The following SMARCC1 variants were observed in gnomAD, a reference collection of about 807,000 sequenced individuals.
The protein encoded by SMARCC1 is SWI/SNF related BAF chromatin remodeling complex subunit C1, also known as SWI/SNF complex subunit SMARCC1.
A neutral mutation model predicts 147.4 loss-of-function variants in SMARCC1; 43 were observed. The ratio of observed to expected loss-of-function variants is 0.29; its 90% CI spans 0.23 to 0.38. SMARCC1 has a LOEUF of 0.38. SMARCC1 is among the 10% of genes least tolerant of loss of function. SMARCC1 has a pLI of 1.00. For missense variants in SMARCC1, 1,119 were observed against 1,381.1 expected, an observed-to-expected ratio of 0.81 and a Z score of 3.01; for synonymous variants, 495 against 484.4, an observed-to-expected ratio of 1.02 and a Z score of -0.29.
At chr3:47,633,526 C>T (rs1291782125) in intron 24 of SMARCC1, among the ~76,000 whole-genome samples, 3 of 151,400 alleles carry the variant, frequency 2.0e-5, no homozygotes, top group Non-Finnish European at 4.4e-5. Context: ...GGTGAATCAC[C>T]TGAGGTCAGG....
Position 47,731,698 on chromosome 3 carries a change from G to A in SMARCC1, c.577-2604C>T, listed in dbSNP as rs192777558. Among the ~76,000 whole-genome samples, 22 of 152,342 alleles carry A rather than the reference G, an allele frequency of 1.4e-4. No homozygotes were observed. The East Asian group carries it at 3.9e-3, about 27-fold the overall frequency. On this transcript the variant is annotated intron_variant, in intron 5 of 27. Coordinates refer to ENST00000254480, the MANE Select transcript of SMARCC1 (RefSeq NM_003074.4). ...TGTACATCTGCAACAGAGTGACTAG[G>A]TGACTGTCAATGAGCAGTAATATTT...
rs1559641317 is a variant in SMARCC1, at chr3:47,673,404, G to GGGT, written c.1839+2070_1839+2071insACC. Among the ~76,000 whole-genome samples the GGGT allele has an allele frequency of 1.0e-3, 132 of 132,348 alleles. 16 individuals carry two copies. The highest frequency in any genetic ancestry group is 3.3e-3 in the African/African-American group (126 of 38,148). The allele number at this position is 132,348 out of a possible 152,430, so 86.8% of individuals were successfully genotyped here. ...CTGTCTCAAAAAAAAAAGGGTGGGG[G>GGGT]GGGGGCAGGCCAGTGGCTCAGGCCT... On this transcript the variant is annotated intron_variant, in intron 18 of 27. Coordinates refer to ENST00000254480, the MANE Select transcript of SMARCC1 (RefSeq NM_003074.4).
intron 18 of SMARCC1, among the ~76,000 whole-genome samples, chr3:47,674,984 C>T (rs2033551222): frequency 6.6e-6 from 1 of 152,158 alleles, no homozygotes; most frequent in Non-Finnish European, 1.5e-5. Context: ...ATCCTCCTGC[C>T]TTGGCCTCCC....
chr3:47,637,376 G>A (rs1024413303), intron 22 of SMARCC1, among the ~76,000 whole-genome samples: 1 of 151,966 alleles, frequency 6.6e-6, no homozygotes, highest in African/African-American at 2.4e-5. Context: ...CACTCAAATA[G>A]TGACTGACTG....
chr3:47,735,607 G>A (rs1278575956), intron 5 of SMARCC1, among the ~76,000 whole-genome samples: 1 of 151,998 alleles, frequency 6.6e-6, no homozygotes, highest in Admixed American at 6.6e-5. Context: ...CCACCTCTAC[G>A]AAAAATACAA....
chr3:47,719,164 T>C (rs936116233), intron 7 of SMARCC1, among the ~76,000 whole-genome samples: 2 of 152,080 alleles, frequency 1.3e-5, no homozygotes, highest in Non-Finnish European at 1.5e-5. Context: ...TCCGCCCGCC[T>C]TGGCCTCCCA....
At chr3:47,592,531 G>A (rs909049094) in intron 26 of SMARCC1, among the ~76,000 whole-genome samples, 2 of 152,182 alleles carry the variant, frequency 1.3e-5, no homozygotes, top group Non-Finnish European at 2.9e-5. Context: ...GGCTGTAGGC[G>A]ATCCCTGCTT....
intron 18 of SMARCC1, among the ~76,000 whole-genome samples, chr3:47,674,209 A>G (rs2106753376): frequency 6.6e-6 from 1 of 152,312 alleles, no homozygotes; most frequent in Middle Eastern, 3.4e-3. Flanking sequence ...GTATTACTTT[A>G]TATTTAACCA....
chr3:47,638,195 C>T (rs1211918125), intron 22 of SMARCC1, among the ~76,000 whole-genome samples: 4 of 152,138 alleles, frequency 2.6e-5, no homozygotes, highest in African/African-American at 9.7e-5. Context: ...CGGGTTCACG[C>T]CATTCTCCTG....
chr3:47,728,031 A>G (rs942245511), intron 6 of SMARCC1, among the ~76,000 whole-genome samples: 1 of 149,932 alleles, frequency 6.7e-6, no homozygotes, highest in Non-Finnish European at 1.5e-5. Flanking sequence ...AGGAGCTGGA[A>G]TACAGGCACG....
At chr3:47,679,970 T>C (rs2033622570) in intron 15 of SMARCC1, among the ~76,000 whole-genome samples, 1 of 151,926 alleles carries the variant, frequency 6.6e-6, no homozygotes, top group African/African-American at 2.4e-5. Flanking sequence ...TAAGAGTTGA[T>C]GTGCATATAG....
At chr3:47,711,611 T>A (rs1477936242) in intron 8 of SMARCC1, among the ~76,000 whole-genome samples, 1 of 152,184 alleles carries the variant, frequency 6.6e-6, no homozygotes, top group Non-Finnish European at 1.5e-5. Flanking sequence ...TCTAGAACAC[T>A]GTAAAAACAA....
chr3:47,686,233 C>G (rs974756455), intron 13 of SMARCC1, 63 bp from the exon 14 acceptor site: 1 of 1,294,186 alleles, frequency 7.7e-7, no homozygotes, highest in African/African-American at 1.5e-5. Flanking sequence ...TATATAACAT[C>G]TCTTACACTT....
At chr3:47,778,212 AAAAAC>A (rs1553693292) in intron 1 of SMARCC1, among the ~76,000 whole-genome samples, 1 of 121,320 alleles carries the variant, frequency 8.2e-6, no homozygotes, top group African/African-American at 3.1e-5. Context: ...ACAAAAAACA[AAAAAC>A]AAAAAAAACA....
chr3:47,689,857 T>C (rs1200116148), intron 12 of SMARCC1, among the ~76,000 whole-genome samples: 1 of 152,150 alleles, frequency 6.6e-6, no homozygotes, highest in African/African-American at 2.4e-5. Flanking sequence ...CTTCTGAGGA[T>C]AGAGGGCTTA....
At chr3:47,753,606 C>T (rs746740771) in intron 2 of SMARCC1, among the ~76,000 whole-genome samples, 1 of 145,632 alleles carries the variant, frequency 6.9e-6, no homozygotes, top group Non-Finnish European at 1.5e-5. Flanking sequence ...CCCAGCTACT[C>T]GAGAGGCTGA....
At chr3:47,749,350 A>AAT (rs1343121490) in intron 2 of SMARCC1, among the ~76,000 whole-genome samples, 1 of 151,770 alleles carries the variant, frequency 6.6e-6, no homozygotes, top group Non-Finnish European at 1.5e-5. Context: ...AACATAATTA[A>AAT]ATATATATAA....
At chr3:47,692,005 T>C (rs2033796292) in intron 12 of SMARCC1, among the ~76,000 whole-genome samples, 1 of 152,016 alleles carries the variant, frequency 6.6e-6, no homozygotes, top group South Asian at 2.1e-4. Context: ...TCTCAAAAAA[T>C]AATAATGACT....
chr3:47,673,464 G>C (rs1195357328), intron 18 of SMARCC1, among the ~76,000 whole-genome samples: 2 of 150,994 alleles, frequency 1.3e-5, no homozygotes, highest in Non-Finnish European at 2.9e-5. Context: ...AATGTGGGTG[G>C]ATAACCTAAG....
Sources: gnomAD v4.1 joint callset for allele counts (sites outside exome capture counted in the v4.1 genomes callset) on GRCh38, gnomAD v4.1.1 for gene constraint, MANE v1.5 for transcripts, NCBI Gene and HGNC (gene_info 2026-07-23, HGNC 2026-07-21) for gene names.